The following AMZ1 variants were observed in gnomAD, a reference collection of about 807,000 sequenced individuals.
AMZ1 encodes archaelysin family metallopeptidase 1.
In AMZ1, 39 loss-of-function variants were observed where a neutral mutation model predicts 29.9. The observed-to-expected ratio is 1.30, with a 90% CI of 1.01 to 1.70. The LOEUF (loss-of-function observed/expected upper bound fraction) is 1.70, where lower values mean the gene tolerates loss of function less well. Ranked by LOEUF, AMZ1 falls within the 40% of genes most tolerant of loss-of-function variation. AMZ1 has a pLI of 0.00. For synonymous variants in AMZ1, 458 were observed against 304.0 expected (o/e 1.51, Z -5.27); for missense variants, 1,041 against 680.6 (o/e 1.53, Z -5.89).
chr7:2,760,640 G>C (rs991508534), upstream of AMZ1, among the ~76,000 whole-genome samples: 4 of 152,190 alleles, frequency 2.6e-5, no homozygotes, highest in African/African-American at 9.6e-5. Flanking sequence ...AAGCAGGACA[G>C]ACCTGTCACT....
At chr7:2,750,835 G>A in intron 4 of AMZ1, among the ~76,000 whole-genome samples, 1 of 152,186 alleles carries the variant, frequency 6.6e-6, no homozygotes, top group East Asian at 1.9e-4. Context: ...ATTCGGATAT[G>A]GCGAAAGTTT....
At chr7:2,740,810 C>T (rs573380417) in intron 4 of AMZ1, among the ~76,000 whole-genome samples, 9 of 152,240 alleles carry the variant, frequency 5.9e-5, no homozygotes, top group African/African-American at 9.6e-5. Flanking sequence ...TTTGGGAGGC[C>T]GAGGCGGACG....
intron 1 of AMZ1, among the ~76,000 whole-genome samples, chr7:2,697,347 T>G (rs909259458): frequency 1.1e-4 from 17 of 152,138 alleles, no homozygotes; most frequent in African/African-American, 4.1e-4. Context: ...TCCAGCAGCC[T>G]CGGCCTCCCA....
At chr7:2,695,406 A>T (rs1175864882) in intron 1 of AMZ1, among the ~76,000 whole-genome samples, 3 of 152,102 alleles carry the variant, frequency 2.0e-5, no homozygotes, top group African/African-American at 7.2e-5. Context: ...TGGTGATGGG[A>T]ACCATGATGC....
At chr7:2,702,232 C>T (rs1432728938) in intron 2 of AMZ1, 1 of 142,828 alleles carries the variant, frequency 7.0e-6, no homozygotes, top group African/African-American at 2.7e-5. Flanking sequence ...TGCTACTCTG[C>T]CCCAGCCAGG....
Position 2,694,383 on chromosome 7 carries a change from C to G in AMZ1, c.-218-5851C>G, listed in dbSNP as rs563874399. ...AGTTTGAATCACGCCTTGGGCTTCC[C>G]TGGGTCTCTGGCTTGTAGGCAGCAC... On this transcript the variant is annotated intron_variant, in intron 1 of 6. Coordinates refer to ENST00000683327, the MANE Select transcript of AMZ1 (RefSeq NM_001384743.1). Among the ~76,000 whole-genome samples, 20 of 152,304 alleles carry G rather than the reference C, an allele frequency of 1.3e-4. No individual in the cohort carries two copies. In the South Asian group the frequency reaches 4.1e-3, roughly 32 times the overall value.
chr7:2,747,761 T>C (rs1790837795), intron 4 of AMZ1, among the ~76,000 whole-genome samples: 1 of 152,134 alleles, frequency 6.6e-6, no homozygotes, highest in Admixed American at 6.5e-5. Context: ...TGATTGTATA[T>C]TATCTAGAAA....
At position 2,717,745 on chromosome 7, in the gene AMZ1, C is replaced by A. The variant is rs1789214192; in HGVS notation, c.*4867C>A. On this transcript the variant is annotated 3_prime_UTR_variant, in exon 7 of 7. Coordinates refer to ENST00000683327, the MANE Select transcript of AMZ1 (RefSeq NM_001384743.1). ...GCCGGCCGAGCCTTCCCTTTTCTGA[C>A]ATCCTACAGCAGCACCTTGATGAAT... Among the ~76,000 whole-genome samples, 1 of 152,170 alleles carries A rather than the reference C, an allele frequency of 6.6e-6. No individual in the cohort carries two copies. Among genetic ancestry groups the A allele is most frequent in the Non-Finnish European group, 1.5e-5 (1 of 68,030 alleles).
chr7:2,688,822 G>T (rs957127318), intron 1 of AMZ1, among the ~76,000 whole-genome samples: 1 of 152,228 alleles, frequency 6.6e-6, no homozygotes, highest in Non-Finnish European at 1.5e-5. Context: ...GGAGAAGGCT[G>T]TGGATATGAT....
chr7:2,756,748 G>A (rs1435301306), intron 4 of AMZ1, among the ~76,000 whole-genome samples: 2 of 152,196 alleles, frequency 1.3e-5, no homozygotes, highest in Non-Finnish European at 1.5e-5. Flanking sequence ...GAAGGGACCT[G>A]AGAATATGAT....
chr7:2,718,975 G>T lies in AMZ1; in HGVS notation c.*6097G>T, dbSNP rs1204159912. On this transcript the variant is annotated 3_prime_UTR_variant, in exon 7 of 7. Transcript: ENST00000683327. The stretch of plus-strand genomic sequence containing the variant: ...TTTATTCCAAATGTATGAGCAGGAA[G>T]GAAAGAGGGAGGGAAGCTGCAAGAA... 6.6e-6 allele frequency among the ~76,000 whole-genome samples: 1 copy of T among 150,416 alleles called. No homozygotes were observed. The highest frequency in any genetic ancestry group is 1.5e-5 in the Non-Finnish European group (1 of 67,986).
upstream of AMZ1, chr7:2,763,466 C>T (rs1238492333): frequency 3.3e-5 from 5 of 152,432 alleles, no homozygotes; most frequent in Admixed American, 6.5e-5. Flanking sequence ...AAAAGCTCCC[C>T]GAGCTCCCTC....
rs1178909105 is a variant in AMZ1 at position 2,731,418 on chromosome 7, C to T, written n.550+21602C>T. The T allele has an allele frequency of 6.2e-7, 1 of 1,613,352 alleles. No homozygotes were observed. Among genetic ancestry groups the T allele is most frequent in the Non-Finnish European group, 8.5e-7 (1 of 1,179,444 alleles). ...TCTTGATGCTCACGGTCTTCACCTT[C>T]TCCACCAGGAGGTCCATCTTGTTGA... On this transcript the variant is annotated intron_variant and non_coding_transcript_variant, in intron 4 of 4. Transcript: ENST00000489665. This position sits in a 1 kb window ranked among gnomAD's most constrained non-coding sequence, Gnocchi z 6.0.
intron 1 of AMZ1, among the ~76,000 whole-genome samples, chr7:2,693,186 C>T (rs1787507336): frequency 6.6e-6 from 1 of 151,880 alleles, no homozygotes; most frequent in Non-Finnish European, 1.5e-5. Context: ...ACCGCAACCT[C>T]CGCCTCCCGA....
At chr7:2,747,979 A>G (rs1357729118) in intron 4 of AMZ1, among the ~76,000 whole-genome samples, 2 of 151,220 alleles carry the variant, frequency 1.3e-5, no homozygotes, top group Non-Finnish European at 2.9e-5. Context: ...TTCAAGGAGA[A>G]CTACAAACCA....
intron 1 of AMZ1, among the ~76,000 whole-genome samples, chr7:2,696,013 G>GAA (rs35492098): frequency 1.6e-3 from 174 of 107,200 alleles, no homozygotes; most frequent in African/African-American, 4.7e-3. Flanking sequence ...TCTTGGGGGG[G>GAA]AAAAAAAAAA....
intron 4 of AMZ1, among the ~76,000 whole-genome samples, chr7:2,744,520 C>A (rs532273420): frequency 6.6e-6 from 1 of 152,106 alleles, no homozygotes; most frequent in Admixed American, 6.5e-5. Context: ...CCCATCTGTA[C>A]GTCACCATCA....
At chr7:2,745,195 G>A (rs1028388674) in intron 4 of AMZ1, among the ~76,000 whole-genome samples, 2 of 152,118 alleles carry the variant, frequency 1.3e-5, no homozygotes, top group Non-Finnish European at 2.9e-5. Context: ...CTTGAGAAAG[G>A]CAACTCCAAG....
rs1158824481 is a variant in AMZ1, at chr7:2,748,059, G to A, written n.551-16653G>A. On this transcript the variant is annotated intron_variant and non_coding_transcript_variant, in intron 4 of 4. Coordinates refer to the AMZ1 transcript ENST00000489665. Reference sequence around the variant, plus strand: ...TCCATGCTCATGGGTAGGAAGAATCGATATCATGAAAATGGCCATACTGCC... The same window carrying A: ...TCCATGCTCATGGGTAGGAAGAATCAATATCATGAAAATGGCCATACTGCC... Among the ~76,000 whole-genome samples, 444 of 150,192 alleles carry A rather than the reference G, an allele frequency of 3.0e-3. 2 individuals are homozygous for A. Among genetic ancestry groups the A allele is most frequent in the African/African-American group, 8.1e-3 (331 of 40,644 alleles).
Sources: allele counts gnomAD v4.1 joint callset (sites outside exome capture counted in the v4.1 genomes callset), GRCh38; gene constraint gnomAD v4.1.1; non-coding constraint Gnocchi (gnomAD v3.1); transcripts MANE v1.5; gene names NCBI Gene and HGNC (gene_info 2026-07-23, HGNC 2026-07-21).